ADAMTS18: variants seen among roughly 807,000 people sequenced by gnomAD.
ADAMTS18 encodes the protein A disintegrin and metalloproteinase with thrombospondin motifs 18.
In ADAMTS18, 157 loss-of-function variants were observed where a neutral mutation model predicts 165.9. The observed-to-expected ratio is 0.95, with a 90% CI of 0.83 to 1.08. The LOEUF (loss-of-function observed/expected upper bound fraction) is 1.08, where lower values mean the gene tolerates loss of function less well. Ranked by LOEUF, ADAMTS18 falls within the 50% of genes least tolerant of loss-of-function variation. ADAMTS18 has a pLI of 0.00. For synonymous variants in ADAMTS18, 782 were observed against 578.2 expected (o/e 1.35, Z -5.06); for missense variants, 2,040 against 1,534.0 (o/e 1.33, Z -5.51).
Position 77,434,428 on chromosome 16 carries a change from T to C in ADAMTS18, c.168A>G (p.Gly56=). ...LASDSSSGAS[G]LNDDYVFVTP... ...GGGGCAAATACGAACCATCATTTAA[T>C]CCGCTGGCGCCGCTGCTGCTGTCAC... is the stretch of plus-strand genomic sequence containing the variant. Residue 56 remains glycine (G), a synonymous_variant, in exon 2 of 23, where the codon GGA becomes GGG. Coordinates refer to ENST00000282849, the MANE Select transcript of ADAMTS18 (RefSeq NM_199355.4). The C allele has an allele frequency of 6.4e-7, 1 of 1,571,516 alleles. No individual in the cohort carries two copies.
intron 7 of ADAMTS18, among the ~76,000 whole-genome samples, chr16:77,360,987 G>C (rs2056704503): frequency 3.3e-5 from 5 of 152,170 alleles, no homozygotes. Flanking sequence ...TCTGGAGGCT[G>C]AGGCAGGAGA....
chr16:77,419,005 T>A (rs2057566063), intron 3 of ADAMTS18, among the ~76,000 whole-genome samples: 2 of 152,006 alleles, frequency 1.3e-5, no homozygotes, highest in Non-Finnish European at 2.9e-5. Context: ...AAAAATTAGC[T>A]GGGCACGGTG....
chr16:77,396,324 AG>A (rs2057256470), intron 3 of ADAMTS18, among the ~76,000 whole-genome samples: 1 of 152,256 alleles, frequency 6.6e-6, no homozygotes, highest in African/African-American at 2.4e-5. Context: ...TTGAAATATC[AG>A]CAGAAAGAAA....
At chr16:77,335,687 A>G in intron 12 of ADAMTS18, 69 bp downstream of exon 12, 1 of 1,589,210 alleles carries the variant, frequency 6.3e-7, no homozygotes, top group Non-Finnish European at 8.6e-7. Context: ...AGTATGAACA[A>G]GAAAAACCAG....
At chr16:77,377,296 T>G (rs2056967634) in intron 3 of ADAMTS18, among the ~76,000 whole-genome samples, 1 of 152,168 alleles carries the variant, frequency 6.6e-6, no homozygotes, top group African/African-American at 2.4e-5. Flanking sequence ...AATTCAGTGT[T>G]AGGATGAGTG....
chr16:77,290,835 C>G (rs1597080784), intron 21 of ADAMTS18: 1 of 235,292 alleles, frequency 4.3e-6, no homozygotes, highest in Admixed American at 6.1e-5. Context: ...TACTTAGCAC[C>G]GTGCATAGTA....
chr16:77,391,297 G>C (rs985753791), intron 3 of ADAMTS18, among the ~76,000 whole-genome samples: 11 of 152,138 alleles, frequency 7.2e-5, no homozygotes, highest in Admixed American at 7.2e-4. Context: ...GAGGTCAGGA[G>C]TTCAAGACCA....
chr16:77,412,620 TGAG>T, intron 3 of ADAMTS18, among the ~76,000 whole-genome samples: 1 of 152,206 alleles, frequency 6.6e-6, no homozygotes, highest in Admixed American at 6.5e-5. Flanking sequence ...TCCACATGGC[TGAG>T]AAGGTCTCAC....
chr16:77,434,559 G>A (rs1300326804), intron 1 of ADAMTS18, 47 bp downstream of exon 1: 1 of 1,531,650 alleles, frequency 6.5e-7, no homozygotes, highest in South Asian at 1.2e-5. Context: ...GCTGGCGTCG[G>A]GCGCCCCCTG....
intron 16 of ADAMTS18, among the ~76,000 whole-genome samples, chr16:77,319,484 C>T (rs1034019460): frequency 6.6e-6 from 1 of 152,066 alleles, no homozygotes; most frequent in African/African-American, 2.4e-5. Context: ...GCTCTGTTGC[C>T]CAGGCTGGAG....
intron 4 of ADAMTS18, among the ~76,000 whole-genome samples, chr16:77,365,280 T>C (rs2056777161): frequency 6.6e-6 from 1 of 152,230 alleles, no homozygotes; most frequent in African/African-American, 2.4e-5. Context: ...ATTTTACTAC[T>C]CAAAAACTGC....
chr16:77,365,612 G>C (rs909120293), intron 4 of ADAMTS18, among the ~76,000 whole-genome samples: 1 of 152,218 alleles, frequency 6.6e-6, no homozygotes, highest in Non-Finnish European at 1.5e-5. Flanking sequence ...ATTGAGCAGA[G>C]ACCTAGAAGT....
intron 12 of ADAMTS18, among the ~76,000 whole-genome samples, chr16:77,334,604 CTACTATAGTATATAGTATATA>C (rs1461479905): frequency 6.9e-4 from 74 of 107,786 alleles, no homozygotes; most frequent in Middle Eastern, 0.012. Flanking sequence ...TATATATATA[CTACTATAGTATATAGTATATA>C]TACTATAGTA....
chr16:77,416,114 T>C (rs1292922627), intron 3 of ADAMTS18, among the ~76,000 whole-genome samples: 1 of 151,960 alleles, frequency 6.6e-6, no homozygotes, highest in Non-Finnish European at 1.5e-5. Context: ...TGGGGAGTGA[T>C]GGGAGTGTCA....
chr16:77,410,865 C>A, intron 3 of ADAMTS18, among the ~76,000 whole-genome samples: 2 of 152,168 alleles, frequency 1.3e-5, no homozygotes, highest in Non-Finnish European at 2.9e-5. Flanking sequence ...GCATTTAGTG[C>A]GACAAATCAT....
intron 3 of ADAMTS18, among the ~76,000 whole-genome samples, chr16:77,392,712 T>C (rs542038524): frequency 5.9e-5 from 9 of 152,102 alleles, no homozygotes; most frequent in Non-Finnish European, 1.0e-4. Flanking sequence ...GTCGTAAATA[T>C]TGGTTGAATA....
At chr16:77,290,911 G>T in intron 21 of ADAMTS18, 2 of 286,648 alleles carry the variant, frequency 7.0e-6, no homozygotes, top group Non-Finnish European at 1.3e-5. Context: ...ATGAGTAAAG[G>T]CTGTGAGCAG....
At chr16:77,313,635 T>C (rs1246735809) in intron 16 of ADAMTS18, among the ~76,000 whole-genome samples, 1 of 152,148 alleles carries the variant, frequency 6.6e-6, no homozygotes, top group Admixed American at 6.5e-5. Flanking sequence ...CAGGAGTGAT[T>C]TGCACTTTGC....
chr16:77,322,819 G>A (rs1597121271), intron 13 of ADAMTS18, among the ~76,000 whole-genome samples: 1 of 152,158 alleles, frequency 6.6e-6, no homozygotes, highest in South Asian at 2.1e-4. Flanking sequence ...ATGAAGTAGT[G>A]TGGCTGTGTT....
Sources: gnomAD v4.1 joint callset for allele counts (sites outside exome capture counted in the v4.1 genomes callset) on GRCh38, gnomAD v4.1.1 for gene constraint, MANE v1.5 for transcripts, NCBI Gene and HGNC (gene_info 2026-07-23, HGNC 2026-07-21) for gene names.